DNM3: variants seen among roughly 807,000 people sequenced by gnomAD.
DNM3 encodes the protein dynamin 3.
Under a neutral mutation model 101.6 loss-of-function variants are expected in DNM3, and 47 were observed. The ratio of observed to expected loss-of-function variants is 0.46; its 90% confidence interval spans 0.37 to 0.59. The LOEUF is 0.59. Ranked by LOEUF, DNM3 falls within the 20% of genes least tolerant of loss-of-function variation. The pLI is 0.00. For synonymous variants in DNM3, 385 were observed against 387.9 expected, an observed-to-expected ratio of 0.99 and a Z score of 0.09; for missense variants, 849 against 1,085.7, an observed-to-expected ratio of 0.78 and a Z score of 3.06.
At chr1:172,012,806 G>A (rs2047213666) in intron 4 of DNM3, among the ~76,000 whole-genome samples, 1 of 151,864 alleles carries the variant, frequency 6.6e-6, no homozygotes, top group Admixed American at 6.6e-5. Context: ...ATCATATACA[G>A]TAATATTACC....
At chr1:172,229,955 G>T (rs2061272311) in intron 14 of DNM3, among the ~76,000 whole-genome samples, 1 of 152,054 alleles carries the variant, frequency 6.6e-6, no homozygotes, top group Non-Finnish European at 1.5e-5. Flanking sequence ...TTATTTCTCT[G>T]CACAGACAAC....
chr1:171,977,512 T>C (rs2044468850), intron 2 of DNM3, among the ~76,000 whole-genome samples: 1 of 152,184 alleles, frequency 6.6e-6, no homozygotes, highest in South Asian at 2.1e-4. Flanking sequence ...AAGTAATCTA[T>C]AGCCCCAAAT....
chr1:171,855,273 T>G (rs1427745233), intron 1 of DNM3, among the ~76,000 whole-genome samples: 1 of 152,198 alleles, frequency 6.6e-6, no homozygotes, highest in Non-Finnish European at 1.5e-5. Context: ...TTATCCAATC[T>G]GTCACTGATG....
chr1:172,409,435 C>T lies in DNM3; in HGVS notation c.*1594C>T. 1.0e-6 allele frequency: 1 copy of T among 984,430 alleles called. No homozygotes were observed. The highest frequency in any genetic ancestry group is 1.2e-6 in the Non-Finnish European group (1 of 829,086). 61.0% of individuals were successfully genotyped at this position (984,430 alleles called of 1,614,324 possible). A position where few individuals can be genotyped will look rare whatever the true frequency, so the allele number is the denominator to read the frequency against. On this transcript the variant is annotated 3_prime_UTR_variant, in exon 21 of 21. Transcript: ENST00000627582. ...CCATGTTGAGTGCCATTGTATTGAA[C>T]TTATTCTAAAGGCTTATGCTAACCC... is the stretch of plus-strand genomic sequence containing the variant.
intron 14 of DNM3, chr1:172,136,618 T>A (rs1432228016): frequency 1.3e-5 from 2 of 152,322 alleles, no homozygotes; most frequent in African/African-American, 4.8e-5. Flanking sequence ...TATTCTTTTT[T>A]AATATAGGAT....
chr1:171,854,182 T>C (rs1034881290), intron 1 of DNM3, among the ~76,000 whole-genome samples: 4 of 152,166 alleles, frequency 2.6e-5, no homozygotes, highest in African/African-American at 4.8e-5. Context: ...GTAAAGAACA[T>C]GTATTCTGTG....
Position 172,306,000 on chromosome 1 carries a change from G to C in DNM3, c.1770-2728G>C, listed in dbSNP as rs28879412. On this transcript the variant is annotated intron_variant, in intron 15 of 20. Coordinates refer to ENST00000627582, the MANE Select transcript of DNM3 (RefSeq NM_015569.5). ...ACAGGGATGCCCTCTCTCACCACTCGTATTCAACATAGTGTTGGAAGTTCT... is the reference window on the plus strand; with the variant it reads ...ACAGGGATGCCCTCTCTCACCACTCCTATTCAACATAGTGTTGGAAGTTCT... Among the ~76,000 whole-genome samples, 1,412 of 152,168 alleles carry C rather than the reference G, an allele frequency of 9.3e-3. 32 individuals are homozygous for C. Among genetic ancestry groups the C allele is most frequent in the African/African-American group, 0.032 (1,326 of 41,514 alleles).
intron 14 of DNM3, among the ~76,000 whole-genome samples, chr1:172,222,726 A>T (rs983878849): frequency 1.3e-5 from 2 of 152,170 alleles, no homozygotes; most frequent in African/African-American, 4.8e-5. Context: ...GGCGCCAAAG[A>T]ACCAACATAC....
At chr1:172,300,205 A>C (rs1266271236) in intron 15 of DNM3, among the ~76,000 whole-genome samples, 3 of 151,742 alleles carry the variant, frequency 2.0e-5, no homozygotes, top group Non-Finnish European at 4.4e-5. Flanking sequence ...GTGTCTGTTC[A>C]TGTCCTTTGC....
rs187202013 is a variant in DNM3 at position 172,083,081 on chromosome 1, A to G, written c.1493+1179A>G. On this transcript the variant is annotated intron_variant, in intron 12 of 20. Coordinates refer to ENST00000627582, the MANE Select transcript of DNM3 (RefSeq NM_015569.5). ...CTTGATAGGTATTTGCTGCACAGGC[A>G]TTTCGCACAGACTTGCCCTCCTCTC... Among the ~76,000 whole-genome samples, 12 of 152,314 alleles carry G rather than the reference A, an allele frequency of 7.9e-5. 1 individual carries two copies. In the East Asian group the frequency reaches 1.2e-3, roughly 15 times the overall value.
At chr1:171,879,537 A>C (rs1015908356) in intron 1 of DNM3, among the ~76,000 whole-genome samples, 2 of 152,206 alleles carry the variant, frequency 1.3e-5, no homozygotes, top group African/African-American at 2.4e-5. Flanking sequence ...CTATTTAAGA[A>C]AAAAATAGAA....
At chr1:171,955,591 C>T (rs1310697150) in intron 2 of DNM3, among the ~76,000 whole-genome samples, 3 of 152,180 alleles carry the variant, frequency 2.0e-5, no homozygotes, top group Non-Finnish European at 4.4e-5. Context: ...TACATATTTC[C>T]ATTCCCATAA....
intron 14 of DNM3, among the ~76,000 whole-genome samples, chr1:172,249,672 A>T (rs1487099573): frequency 6.6e-6 from 1 of 152,108 alleles, no homozygotes; most frequent in Non-Finnish European, 1.5e-5. Context: ...AATCTCTATT[A>T]AAAAAATCTT....
At chr1:171,963,122 T>G (rs1413973539) in intron 2 of DNM3, among the ~76,000 whole-genome samples, 1 of 152,100 alleles carries the variant, frequency 6.6e-6, no homozygotes, top group Non-Finnish European at 1.5e-5. Context: ...TTGCCCAAAC[T>G]TGGAAGCAAC....
intron 4 of DNM3, among the ~76,000 whole-genome samples, chr1:172,008,907 A>G (rs909140260): frequency 7.2e-6 from 1 of 138,770 alleles, no homozygotes; most frequent in African/African-American, 2.6e-5. Context: ...TAATAAATAT[A>G]TCATATTAAA....
intron 4 of DNM3, among the ~76,000 whole-genome samples, chr1:171,993,330 A>C (rs1288158907): frequency 6.6e-6 from 1 of 151,758 alleles, no homozygotes; most frequent in Non-Finnish European, 1.5e-5. Flanking sequence ...GAATGTCTTA[A>C]TTTCTCCTTA....
chr1:172,080,225 C>T (rs2053028260), intron 11 of DNM3, among the ~76,000 whole-genome samples: 1 of 152,188 alleles, frequency 6.6e-6, no homozygotes, highest in Non-Finnish European at 1.5e-5. Context: ...GCACCCACAG[C>T]TGCCCCTTCC....
intron 11 of DNM3, among the ~76,000 whole-genome samples, chr1:172,080,683 C>T (rs1451340132): frequency 2.0e-5 from 3 of 152,164 alleles, no homozygotes; most frequent in African/African-American, 7.2e-5. Context: ...GGAAAAAGAA[C>T]TTCTGCATCT....
At chr1:172,202,789 C>T (rs1426248747) in intron 14 of DNM3, among the ~76,000 whole-genome samples, 3 of 152,100 alleles carry the variant, frequency 2.0e-5, no homozygotes, top group African/African-American at 7.2e-5. Flanking sequence ...CTACCAAGTT[C>T]TTTTAACTGG....
Sources: allele counts gnomAD v4.1 joint callset (sites outside exome capture counted in the v4.1 genomes callset), GRCh38; gene constraint gnomAD v4.1.1; transcripts MANE v1.5; gene names NCBI Gene and HGNC (gene_info 2026-07-23, HGNC 2026-07-21).